The following LENG1 variants were observed in gnomAD, a reference collection of about 807,000 sequenced individuals.
LENG1 encodes the protein leukocyte receptor cluster (LRC) member 1.
In LENG1, 35 loss-of-function variants were observed where a neutral mutation model predicts 28.8. The observed-to-expected ratio is 1.22, with a 90% CI of 0.93 to 1.61. LENG1 has a LOEUF of 1.61. Ranked by LOEUF, LENG1 falls within the 40% of genes most tolerant of loss-of-function variation. The pLI is 0.00. For missense variants in LENG1, 404 were observed against 348.9 expected, an observed-to-expected ratio of 1.16 and a Z score of -1.26; for synonymous variants, 170 against 140.6, an observed-to-expected ratio of 1.21 and a Z score of -1.48.
chr19:54,155,576 G>GC lies in LENG1; in HGVS notation c.*144dup. 1.0e-6 allele frequency: 1 copy of GC among 992,072 alleles called. No homozygotes were observed. The highest frequency in any genetic ancestry group is 1.5e-6 in the Non-Finnish European group (1 of 682,190). The allele number at this position is 992,072 out of a possible 1,614,324, so 61.5% of individuals were successfully genotyped here. On this transcript the variant is annotated 3_prime_UTR_variant, in exon 4 of 4. Coordinates refer to ENST00000222224, the MANE Select transcript of LENG1 (RefSeq NM_024316.3). ...TTTTCCTCTCAGCCCCACCCTGGGG[G>GC]CCCGGGGGCGAGGGCTGCCCCCTCC...
Position 54,155,736 on chromosome 19 carries a change from A to AG in LENG1, c.779dup (p.His261SerfsTer21). The AG allele has an allele frequency of 6.2e-7, 1 of 1,611,116 alleles. No individual in the cohort carries two copies. Among genetic ancestry groups the AG allele is most frequent in the Non-Finnish European group, 8.5e-7 (1 of 1,179,578 alleles). On this transcript the variant is annotated frameshift_variant, in exon 4 of 4. Coordinates refer to ENST00000222224, the MANE Select transcript of LENG1 (RefSeq NM_024316.3). LOFTEE classifies it high-confidence loss of function. ...CCCTCAGGAGTCAGTGAGTAAGGTGAGGGTCCTGCTGGCGGGGGCGCCGGG... is the reference window on the plus strand; with the variant it reads ...CCCTCAGGAGTCAGTGAGTAAGGTGAGGGGTCCTGCTGGCGGGGGCGCCGGG...
At chr19:54,157,656 C>A (rs1203444058) in intron 2 of LENG1, among the ~76,000 whole-genome samples, 1 of 152,060 alleles carries the variant, frequency 6.6e-6, no homozygotes, top group Non-Finnish European at 1.5e-5. Flanking sequence ...AGGCGTGAGC[C>A]ACCATGCACA....
At chr19:54,157,663 C>T (rs2075420370) in intron 2 of LENG1, among the ~76,000 whole-genome samples, 1 of 151,380 alleles carries the variant, frequency 6.6e-6, no homozygotes. Context: ...AGCCACCATG[C>T]ACAGCCACTG....
intron 1 of LENG1, 125 bp from the exon 2 acceptor site, chr19:54,158,586 G>T (rs2075440781): frequency 2.4e-6 from 2 of 840,198 alleles, no homozygotes; most frequent in Non-Finnish European, 3.7e-6. Flanking sequence ...AGCACTAGGC[G>T]CCTAAAAGAG....
At position 54,156,768 on chromosome 19, in the gene LENG1, G is replaced by T. The variant is rs142261936; in HGVS notation, c.570C>A (p.Pro190=). The change falls in exon 3 of 4, where the codon CCC becomes CCA. Residue 190 remains proline, a synonymous_variant. Coordinates refer to ENST00000222224, the MANE Select transcript of LENG1 (RefSeq NM_024316.3). ...CCGAGGTGGGGTCTTCTTACTCCTT[G>T]GGTCGCTGCTTCTCAGACCCCTCCT... is the stretch of plus-strand genomic sequence containing the variant. ...KEKEGSEKQR[P]KEPPSLDQLR... 1 of 1,610,436 alleles carries T rather than the reference G, an allele frequency of 6.2e-7. No individual in the cohort carries two copies. Among genetic ancestry groups the T allele is most frequent in the Non-Finnish European group, 8.5e-7 (1 of 1,177,742 alleles).
In LENG1 at chr19:54,155,799, C is replaced by T. The variant is rs774550293; in HGVS notation, c.717G>A (p.Arg239=). 4.3e-6 allele frequency: 7 copies of T among 1,611,996 alleles called. No homozygotes were observed. The South Asian group carries it at 7.7e-5, about 18-fold the overall frequency. The change falls in exon 4 of 4, where the codon CGG becomes CGA. Residue 239 remains arginine, a synonymous_variant. Transcript: ENST00000222224. ...TGAATTGGGAGTTGTACCGCCGCCG[C>T]CGGTCATCCGTCTCGTCTTCTTCCG... ...GQPEEDETDD[R]RRRYNSQFNP...
Position 54,159,672 on chromosome 19 carries a change from G to C in LENG1, c.24C>G (p.Ser8Arg). The C allele has an allele frequency of 6.2e-7, 1 of 1,613,142 alleles. No homozygotes were observed. Among genetic ancestry groups the C allele is most frequent in the Non-Finnish European group, 8.5e-7 (1 of 1,179,770 alleles). Residue 8 changes from serine to arginine, a missense_variant, in exon 1 of 4, where the codon AGC becomes AGG. Transcript: ENST00000222224. ...CATTGTCCTTGTTCCGGACGTGCCA[G>C]CTCTTCTTGGGCAAGATATTCATGG... MNILPKK[S>R]WHVRNKDNVA...
At chr19:54,158,117 G>T (rs1262303288) in intron 2 of LENG1, among the ~76,000 whole-genome samples, 165 bp downstream of exon 2, 1 of 152,208 alleles carries the variant, frequency 6.6e-6, no homozygotes, top group Non-Finnish European at 1.5e-5. Flanking sequence ...CCCTGTGGGC[G>T]CCCAGACGGC....
chr19:54,157,052 T>G, intron 2 of LENG1, 27 bp from the exon 3 acceptor site: 1 of 1,502,840 alleles, frequency 6.7e-7, no homozygotes, highest in Non-Finnish European at 8.9e-7. Flanking sequence ...ATACAAGAGA[T>G]GTGATATAAT....
chr19:54,155,767 T>A lies in LENG1; in HGVS notation c.749A>T (p.Gln250Leu). ...RRRYNSQFNPQLARRPRQQDP... is the reference protein window; with the variant it reads ...RRRYNSQFNPLLARRPRQQDP... ...CTGCTGGCGGGGGCGCCGGGCCAGCTGGGGGTTGAATTGGGAGTTGTACCG... is the reference window on the plus strand; with the variant it reads ...CTGCTGGCGGGGGCGCCGGGCCAGCAGGGGGTTGAATTGGGAGTTGTACCG... Residue 250 changes from glutamine (Q) to leucine (L), a missense_variant, in exon 4 of 4, where the codon CAG becomes CTG. Physicochemically the swap from Gln to Leu is moderately radical, Grantham distance 113 (BLOSUM62 -2). Coordinates refer to ENST00000222224, the MANE Select transcript of LENG1 (RefSeq NM_024316.3). 2 of 1,610,492 alleles carry A rather than the reference T, an allele frequency of 1.2e-6. No homozygotes were observed. Among genetic ancestry groups the A allele is most frequent in the African/African-American group, 2.7e-5 (2 of 74,976 alleles).
chr19:54,155,729 T>C lies in LENG1; in HGVS notation c.787A>G (p.Thr263Ala). 1 of 1,610,056 alleles carries C rather than the reference T, an allele frequency of 6.2e-7. No homozygotes were observed. The highest frequency in any genetic ancestry group is 1.1e-5 in the South Asian group (1 of 90,568). Residue 263 changes from threonine (T) to alanine (A), a missense_variant, in exon 4 of 4, where the codon ACT becomes GCT. Coordinates refer to ENST00000222224, the MANE Select transcript of LENG1 (RefSeq NM_024316.3). ...RRPRQQDPHL[T>A]H ...CTGTACCCCCTCAGGAGTCAGTGAG[T>C]AAGGTGAGGGTCCTGCTGGCGGGGG... is the stretch of plus-strand genomic sequence containing the variant.
At chr19:54,159,346 C>T (rs907555710) in intron 1 of LENG1, among the ~76,000 whole-genome samples, 3 of 152,230 alleles carry the variant, frequency 2.0e-5, no homozygotes, top group Non-Finnish European at 4.4e-5. Flanking sequence ...TGAAATACAT[C>T]AGTGGGGGAA....
intron 2 of LENG1, 27 bp from the exon 3 acceptor site, chr19:54,157,052 T>C: frequency 1.3e-6 from 2 of 1,502,840 alleles, no homozygotes; most frequent in Admixed American, 4.6e-5. Context: ...ATACAAGAGA[T>C]GTGATATAAT....
In LENG1 at chr19:54,155,278, C is replaced by T. The variant is rs766696642; in HGVS notation, c.*443G>A. On this transcript the variant is annotated 3_prime_UTR_variant, in exon 4 of 4. Coordinates refer to ENST00000222224, the MANE Select transcript of LENG1 (RefSeq NM_024316.3). ...CCCAGATCCCAGACCACCTCCTCGT[C>T]CACTCACTGACCGCCTTCTCCCCCG... 6.2e-7 allele frequency: 1 copy of T among 1,610,946 alleles called. No individual in the cohort carries two copies. The highest frequency in any genetic ancestry group is 1.7e-5 in the Admixed American group (1 of 59,904).
chr19:54,155,639 T>G lies in LENG1; in HGVS notation c.*82A>C, dbSNP rs2075363110. 1.4e-5 allele frequency: 19 copies of G among 1,372,684 alleles called. No individual in the cohort carries two copies. 85.0% of individuals were successfully genotyped at this position (1,372,684 alleles called of 1,614,324 possible). ...TGAGGGACATTTTTTGGTAAACCTA[T>G]TTTCATTTTGGAAAATATTTATGAA... On this transcript the variant is annotated 3_prime_UTR_variant, in exon 4 of 4. Coordinates refer to ENST00000222224, the MANE Select transcript of LENG1 (RefSeq NM_024316.3).
intron 3 of LENG1, among the ~76,000 whole-genome samples, chr19:54,156,550 T>G (rs531638016): frequency 2.6e-5 from 4 of 152,184 alleles, no homozygotes; most frequent in African/African-American, 7.2e-5. Flanking sequence ...TCCACCAGTG[T>G]CAGGAAAATA....
In LENG1 at chr19:54,156,962, T is replaced by C; in HGVS notation, c.376A>G (p.Thr126Ala). ...YLGQSAAEAQ[T>A]QPPWYQLPPG... Reference sequence around the variant, plus strand: ...GGTAGCTGGTACCAAGGGGGTTGAGTCTGTGCCTCCGCTGCACTCTGGCCC... The same window carrying C: ...GGTAGCTGGTACCAAGGGGGTTGAGCCTGTGCCTCCGCTGCACTCTGGCCC... The change falls in exon 3 of 4, where the codon ACT (threonine) becomes GCT (alanine). Residue 126 changes from threonine to alanine, a missense_variant. Coordinates refer to ENST00000222224, the MANE Select transcript of LENG1 (RefSeq NM_024316.3). 1.2e-6 allele frequency: 2 copies of C among 1,609,404 alleles called. No homozygotes were observed. The highest frequency in any genetic ancestry group is 1.7e-6 in the Non-Finnish European group (2 of 1,177,174).
At chr19:54,159,442 C>T in intron 1 of LENG1, 122 bp downstream of exon 1, 1 of 1,086,732 alleles carries the variant, frequency 9.2e-7, no homozygotes, top group Non-Finnish European at 1.3e-6. Context: ...GTGGGATCGG[C>T]GCCTGGTCCC....
At chr19:54,158,963 A>C (rs1357683613) in intron 1 of LENG1, among the ~76,000 whole-genome samples, 2 of 152,242 alleles carry the variant, frequency 1.3e-5, no homozygotes, top group African/African-American at 4.8e-5. Flanking sequence ...AGTTGGGTGT[A>C]CACCAAACAG....
Sources: gnomAD v4.1 joint callset for allele counts (sites outside exome capture counted in the v4.1 genomes callset) on GRCh38, gnomAD v4.1.1 for gene constraint, MANE v1.5 for transcripts, NCBI Gene and HGNC (gene_info 2026-07-23, HGNC 2026-07-21) for gene names.